Variants in CSMD3 observed in about 807,000 individuals in gnomAD.
CSMD3 encodes CUB and Sushi multiple domains 3, also known as CUB and sushi domain-containing protein 3.
A neutral mutation model predicts 435.2 loss-of-function variants in CSMD3; 177 were observed. That is an observed-to-expected ratio of 0.41 (90% CI 0.36 to 0.46). The LOEUF is 0.46. Ranked by LOEUF, CSMD3 falls within the 20% of genes least tolerant of loss-of-function variation. The probability of loss-of-function intolerance (pLI) is 0.34; values close to 1 mark genes in which losing one functional copy is unlikely to be tolerated. For synonymous variants in CSMD3, 1,656 were observed against 1,520.5 expected, an observed-to-expected ratio of 1.09 and a Z score of -2.07; for missense variants, 4,265 against 4,504.6, an observed-to-expected ratio of 0.95 and a Z score of 1.52.
At chr8:113,263,181 C>A (rs1445757475) in intron 3 of CSMD3, among the ~76,000 whole-genome samples, 1 of 151,836 alleles carries the variant, frequency 6.6e-6, no homozygotes, top group Non-Finnish European at 1.5e-5. Context: ...AAGTCTTCAA[C>A]TGAAAGCACA....
At chr8:112,549,811 G>A (rs1429392381) in intron 27 of CSMD3, among the ~76,000 whole-genome samples, 4 of 151,872 alleles carry the variant, frequency 2.6e-5, no homozygotes, top group South Asian at 2.1e-4. Flanking sequence ...ACTAGGTAAC[G>A]TGCCCAAAAT....
intron 12 of CSMD3, among the ~76,000 whole-genome samples, chr8:112,803,740 G>A (rs527414137): frequency 6.6e-6 from 1 of 152,296 alleles, no homozygotes; most frequent in East Asian, 1.9e-4. Context: ...TGATGCCATT[G>A]AGAAGTTATA....
rs117509672 is a variant in CSMD3, at chr8:112,401,946, G to T, written c.5809+4578C>A. On this transcript the variant is annotated intron_variant, in intron 35 of 70. Transcript: ENST00000297405. The stretch of plus-strand genomic sequence containing the variant: ...AAATGTCAACAAATTAAAATCAATA[G>T]TATCAAACACTTGATCAGTACTGCA... Among the ~76,000 whole-genome samples the T allele has an allele frequency of 7.4e-3, 1,127 of 152,170 alleles. 6 individuals carry two copies. The highest frequency in any genetic ancestry group is 0.031 in the Middle Eastern group (9 of 294).
At chr8:112,779,852 C>A (rs1335164333) in intron 13 of CSMD3, among the ~76,000 whole-genome samples, 1 of 151,812 alleles carries the variant, frequency 6.6e-6, no homozygotes, top group African/African-American at 2.4e-5. Flanking sequence ...ACTCTGATCT[C>A]CTCTGCTGTT....
At chr8:112,422,453 T>C (rs950685552) in intron 32 of CSMD3, among the ~76,000 whole-genome samples, 9 of 152,172 alleles carry the variant, frequency 5.9e-5, no homozygotes, top group Non-Finnish European at 1.2e-4. Flanking sequence ...TTGAGTAACT[T>C]TTATTTTCAC....
intron 10 of CSMD3, among the ~76,000 whole-genome samples, chr8:112,864,406 G>A (rs533994995): frequency 6.6e-6 from 1 of 151,918 alleles, no homozygotes; most frequent in Non-Finnish European, 1.5e-5. Context: ...CCGCCACCAT[G>A]CCCGGTTCAT....
At chr8:112,765,236 G>A (rs1690289470) in intron 13 of CSMD3, among the ~76,000 whole-genome samples, 1 of 151,606 alleles carries the variant, frequency 6.6e-6, no homozygotes, top group South Asian at 2.1e-4. Context: ...TCAGAGGGAT[G>A]ATTTTTAATT....
chr8:112,296,309 T>C (rs1222804644), intron 53 of CSMD3, among the ~76,000 whole-genome samples: 2 of 152,078 alleles, frequency 1.3e-5, no homozygotes, highest in African/African-American at 4.8e-5. Context: ...TCCCAGCACT[T>C]TGGGAGGCCG....
At chr8:112,228,631 G>T in intron 70 of CSMD3, 125 bp downstream of exon 70, 1 of 966,166 alleles carries the variant, frequency 1.0e-6, no homozygotes, top group Non-Finnish European at 1.6e-6. Flanking sequence ...TATGACAATA[G>T]TTAGCACACA....
At chr8:112,667,594 C>T (rs1228250707) in intron 16 of CSMD3, among the ~76,000 whole-genome samples, 1 of 151,926 alleles carries the variant, frequency 6.6e-6, no homozygotes, top group Admixed American at 6.6e-5. Context: ...TCTGTGTTTC[C>T]TGATAAGGCT....
intron 31 of CSMD3, among the ~76,000 whole-genome samples, chr8:112,489,417 C>A (rs533283262): frequency 6.6e-6 from 1 of 151,910 alleles, no homozygotes; most frequent in Non-Finnish European, 1.5e-5. Flanking sequence ...AGAGTGAGAC[C>A]CTGTCTGAAA....
At chr8:112,507,463 A>G (rs912186944) in intron 28 of CSMD3, among the ~76,000 whole-genome samples, 13 of 152,272 alleles carry the variant, frequency 8.5e-5, no homozygotes, top group Middle Eastern at 3.4e-3. Context: ...GAAATGAAGA[A>G]AGATATGGAG....
chr8:112,990,911 T>C (rs1053201966), intron 6 of CSMD3, among the ~76,000 whole-genome samples: 1 of 151,890 alleles, frequency 6.6e-6, no homozygotes, highest in Admixed American at 6.6e-5. Flanking sequence ...AAAGAAAAGA[T>C]AAATTTTCTT....
chr8:112,478,886 C>T (rs546708195), intron 31 of CSMD3, among the ~76,000 whole-genome samples: 10 of 152,256 alleles, frequency 6.6e-5, no homozygotes, highest in African/African-American at 2.2e-4. Context: ...GTACCTACAG[C>T]CTGCCCCTCC....
chr8:112,674,796 G>C (rs1343741471), intron 16 of CSMD3, among the ~76,000 whole-genome samples: 1 of 152,098 alleles, frequency 6.6e-6, no homozygotes, highest in Non-Finnish European at 1.5e-5. Flanking sequence ...TTCTCTAAGA[G>C]GGATTCTTAT....
intron 13 of CSMD3, among the ~76,000 whole-genome samples, chr8:112,776,043 C>T (rs1208253601): frequency 1.3e-5 from 2 of 151,736 alleles, no homozygotes; most frequent in Admixed American, 6.6e-5. Flanking sequence ...CTGTCTCATT[C>T]CTGACAATTG....
At chr8:112,743,412 T>C (rs2077357913) in intron 13 of CSMD3, among the ~76,000 whole-genome samples, 1 of 151,978 alleles carries the variant, frequency 6.6e-6, no homozygotes, top group Non-Finnish European at 1.5e-5. Context: ...AGCAAGAGCA[T>C]ATCAGTCTTA....
chr8:112,698,771 C>A (rs1296979417), intron 13 of CSMD3, among the ~76,000 whole-genome samples: 1 of 152,122 alleles, frequency 6.6e-6, no homozygotes, highest in Non-Finnish European at 1.5e-5. Flanking sequence ...AAAACATTTT[C>A]TCCATAAAGA....
At chr8:113,114,849 A>G (rs769336191) in intron 4 of CSMD3, among the ~76,000 whole-genome samples, 3 of 152,216 alleles carry the variant, frequency 2.0e-5, no homozygotes, top group Non-Finnish European at 4.4e-5. Flanking sequence ...CCTCACTTTC[A>G]TAAATGAAGT....
Sources: allele counts gnomAD v4.1 joint callset (sites outside exome capture counted in the v4.1 genomes callset), GRCh38; gene constraint gnomAD v4.1.1; transcripts MANE v1.5; gene names NCBI Gene and HGNC (gene_info 2026-07-23, HGNC 2026-07-21).